Variants in PSG9 observed in about 807,000 individuals in gnomAD.
The protein encoded by PSG9 is pregnancy specific beta-1-glycoprotein 9.
Under a neutral mutation model 41.9 loss-of-function variants are expected in PSG9, and 49 were observed. That is an observed-to-expected ratio of 1.17 (90% CI 0.93 to 1.48). The LOEUF (loss-of-function observed/expected upper bound fraction) is 1.48, where lower values mean the gene tolerates loss of function less well. Ranked by LOEUF, PSG9 falls within the 40% of genes most tolerant of loss-of-function variation. The pLI is 0.00. For synonymous variants in PSG9, 263 were observed against 196.8 expected, an observed-to-expected ratio of 1.34 and a Z score of -2.82; for missense variants, 641 against 520.3, an observed-to-expected ratio of 1.23 and a Z score of -2.26.
chr19:43,260,052 A>T (rs1162508225), intron 3 of PSG9: 1 of 146,310 alleles, frequency 6.8e-6, no homozygotes, highest in Non-Finnish European at 1.5e-5. Context: ...ACTTGGAGAG[A>T]AGTTTTGCAA....
intron 1 of PSG9, 30 bp downstream of exon 1, chr19:43,269,338 C>T (rs1969138476): frequency 6.2e-7 from 1 of 1,613,210 alleles, no homozygotes; most frequent in African/African-American, 1.3e-5. Context: ...CTTCCTCCCC[C>T]TGTCCTCTCC....
chr19:43,268,699 C>T (rs1022829481), intron 1 of PSG9, among the ~76,000 whole-genome samples: 13 of 152,138 alleles, frequency 8.5e-5, no homozygotes, highest in African/African-American at 3.1e-4. Context: ...CTGCAGACTC[C>T]TGTAGATGTG....
In PSG9 at chr19:43,258,272, G is replaced by A; in HGVS notation, c.1173C>T (p.Leu391=). ...IPQITRNHSG[L]YACSVHNSAT... ...CTGAGTTATGAACAGAGCAAGCATA[G>A]AGCCCGCTATGATTTCTAGTAATTT... Residue 391 remains leucine, a synonymous_variant, in exon 5 of 6, where the codon CTC becomes CTT. Coordinates refer to ENST00000270077, the MANE Select transcript of PSG9 (RefSeq NM_002784.5). 1 of 1,592,922 alleles carries A rather than the reference G, an allele frequency of 6.3e-7. No homozygotes were observed. The highest frequency in any genetic ancestry group is 8.5e-7 in the Non-Finnish European group (1 of 1,174,498).
At position 43,258,890 on chromosome 19, in the gene PSG9, G is replaced by C. The variant is rs1058281; in HGVS notation, c.955C>G (p.Leu319Val). ...QCEIRDRYGG[L>V]RSNPVILNVL... The stretch of plus-strand genomic sequence containing the variant: ...TTTAGGATGACTGGGTTACTGCGGA[G>C]GCCACCATATCGGTCCCGTATTTCA... Residue 319 changes from leucine to valine, a missense_variant, in exon 4 of 6, where the codon CTC becomes GTC. Leu to Val is a conservative substitution (Grantham distance 32). Coordinates refer to ENST00000270077, the MANE Select transcript of PSG9 (RefSeq NM_002784.5). The C allele has an allele frequency of 8.9e-6, 14 of 1,576,622 alleles. 1 individual carries two copies. Among genetic ancestry groups the C allele is most frequent in the East Asian group, 5.3e-5 (2 of 37,446 alleles).
At position 43,261,930 on chromosome 19, in the gene PSG9, T is replaced by A. The variant is rs10417534; in HGVS notation, c.639A>T (p.Gly213=). Residue 213 remains glycine (G), a synonymous_variant, in exon 3 of 6, where the codon GGA becomes GGT. Coordinates refer to ENST00000270077, the MANE Select transcript of PSG9 (RefSeq NM_002784.5). ...YLFGVTKYIA[G]PYECEIRNPV... ...GGTTCCGTATTTCACATTCATAGGG[T>A]CCTGCAATATACTTTGTGACACCAA... is the stretch of plus-strand genomic sequence containing the variant. 34 of 1,613,878 alleles carry A rather than the reference T, an allele frequency of 2.1e-5. No individual in the cohort carries two copies. The highest frequency in any genetic ancestry group is 2.0e-4 in the Admixed American group (12 of 60,000).
chr19:43,262,639 G>C (rs1477513405), intron 2 of PSG9, among the ~76,000 whole-genome samples: 1 of 152,180 alleles, frequency 6.6e-6, no homozygotes, highest in East Asian at 1.9e-4. Flanking sequence ...GTCTGGGACT[G>C]GGTACTTCAG....
At chr19:43,269,293 C>A in intron 1 of PSG9, 75 bp downstream of exon 1, 2 of 1,608,078 alleles carry the variant, frequency 1.2e-6, no homozygotes, top group East Asian at 2.2e-5. Flanking sequence ...TTTTACAACC[C>A]CATCCTCTCC....
At chr19:43,263,292 G>T (rs138171218) in intron 2 of PSG9, among the ~76,000 whole-genome samples, 1 of 152,124 alleles carries the variant, frequency 6.6e-6, no homozygotes, top group African/African-American at 2.4e-5. Flanking sequence ...AGTTCATACA[G>T]ATAAAGTGCT....
In PSG9 at chr19:43,262,394, C is replaced by T. The variant is rs1338591723; in HGVS notation, c.431-256G>A. On this transcript the variant is annotated intron_variant, in intron 2 of 5. Transcript: ENST00000270077. ...AGCAGCATTGGGTCATGGAAAGACA[C>T]AGGACCAGCAGTCACAGCCCCTGAT... Among the ~76,000 whole-genome samples the T allele has an allele frequency of 2.6e-5, 4 of 152,148 alleles. No homozygotes were observed. The East Asian group carries it at 7.7e-4, about 29-fold the overall frequency.
chr19:43,266,127 G>A (rs1418139561), intron 2 of PSG9, among the ~76,000 whole-genome samples: 2 of 151,830 alleles, frequency 1.3e-5, no homozygotes, highest in Admixed American at 6.6e-5. Flanking sequence ...CACCATGGCA[G>A]TGAGCAGTGA....
At chr19:43,264,793 T>C (rs765739214) in intron 2 of PSG9, among the ~76,000 whole-genome samples, 21 of 152,200 alleles carry the variant, frequency 1.4e-4, no homozygotes, top group Admixed American at 2.6e-4. Flanking sequence ...TTTGAGATTG[T>C]TCAGCTTTTT....
intron 1 of PSG9, among the ~76,000 whole-genome samples, 180 bp downstream of exon 1, chr19:43,269,188 G>T (rs1969129529): frequency 6.6e-6 from 1 of 151,862 alleles, no homozygotes; most frequent in Non-Finnish European, 1.5e-5. Flanking sequence ...ATATTTTTAG[G>T]AGAGACTGGG....
At chr19:43,264,397 A>T (rs1186485487) in intron 2 of PSG9, among the ~76,000 whole-genome samples, 1 of 151,816 alleles carries the variant, frequency 6.6e-6, no homozygotes, top group African/African-American at 2.4e-5. Flanking sequence ...CAAGCTAGGG[A>T]TTCTTTCCTC....
chr19:43,255,105 C>CAAAAAAAA (rs35986995), intron 5 of PSG9, among the ~76,000 whole-genome samples: 1 of 82,240 alleles, frequency 1.2e-5, no homozygotes, highest in Non-Finnish European at 2.3e-5. Context: ...CTCTCTCTTC[C>CAAAAAAAA]AAAAAAAAAA....
rs148454965 is a variant in PSG9, at chr19:43,258,924, G to A, written c.921C>T (p.Pro307=). The A allele has an allele frequency of 4.9e-4, 775 of 1,589,678 alleles. 66 individuals are homozygous for A. Among genetic ancestry groups the A allele is most frequent in the South Asian group, 3.0e-3 (271 of 89,846 alleles). ...LPSVTRNETG[P]YQCEIRDRYG... ...ATCGGTCCCGTATTTCACATTGATAGGGTCCTGTTTCATTTCTCGTGACAC... is the reference window on the plus strand; with the variant it reads ...ATCGGTCCCGTATTTCACATTGATAAGGTCCTGTTTCATTTCTCGTGACAC... Residue 307 remains proline, a synonymous_variant, in exon 4 of 6, where the codon CCC becomes CCT. Transcript: ENST00000270077.
intron 5 of PSG9, among the ~76,000 whole-genome samples, chr19:43,256,404 AC>A (rs1407499621): frequency 1.4e-5 from 2 of 146,904 alleles, no homozygotes; most frequent in African/African-American, 5.2e-5. Flanking sequence ...TAAAAAGGCA[AC>A]CCACGAAATG....
chr19:43,258,836 A>G (rs1411632879), intron 4 of PSG9, 21 bp downstream of exon 4: 1 of 1,585,938 alleles, frequency 6.3e-7, no homozygotes, highest in South Asian at 1.1e-5. Context: ...CCTGGCCCAC[A>G]GAGGAACAAA....
In PSG9 at chr19:43,261,905, G is replaced by C. The variant is rs769815824; in HGVS notation, c.664C>G (p.Pro222Ala). The C allele has an allele frequency of 1.2e-6, 2 of 1,614,060 alleles. No homozygotes were observed. The highest frequency in any genetic ancestry group is 1.7e-5 in the Admixed American group (1 of 60,028). ...AGPYECEIRNPVSASRSDPVT... is the reference protein window; with the variant it reads ...AGPYECEIRNAVSASRSDPVT... Reference sequence around the variant, plus strand: ...GGGTCACTGCGACTGGCACTCACTGGGTTCCGTATTTCACATTCATAGGGT... The same window carrying C: ...GGGTCACTGCGACTGGCACTCACTGCGTTCCGTATTTCACATTCATAGGGT... The change falls in exon 3 of 6, where the codon CCA becomes GCA. Residue 222 changes from proline to alanine, a missense_variant. Transcript: ENST00000270077.
chr19:43,259,084 T>G lies in PSG9; in HGVS notation c.761A>C (p.Asn254Thr). The change falls in exon 4 of 6, where the codon AAT becomes ACT. Residue 254 changes from asparagine (N) to threonine (T), a missense_variant. Physicochemically the swap from Asn to Thr is moderately conservative, Grantham distance 65 (BLOSUM62 0). Transcript: ENST00000270077. ...ACAGGTGAAGGCTAAGACATCCTTA[T>G]TCTCCCTGGGGTTTAAGTTGTTGAT... ...ITINNLNPRE[N>T]KDVLAFTCEP... The G allele has an allele frequency of 6.3e-7, 1 of 1,590,626 alleles. No individual in the cohort carries two copies. The highest frequency in any genetic ancestry group is 8.5e-7 in the Non-Finnish European group (1 of 1,174,426).
Sources: gnomAD v4.1 joint callset for allele counts (sites outside exome capture counted in the v4.1 genomes callset) on GRCh38, gnomAD v4.1.1 for gene constraint, MANE v1.5 for transcripts, NCBI Gene and HGNC (gene_info 2026-07-23, HGNC 2026-07-21) for gene names.